Variants in AFF3 observed in about 807,000 individuals in gnomAD.
AFF3 encodes ALF transcription elongation factor 3.
In AFF3, 32 loss-of-function variants were observed where a neutral mutation model predicts 129.7. The ratio of observed to expected loss-of-function variants is 0.25; its 90% CI spans 0.19 to 0.33. The LOEUF (loss-of-function observed/expected upper bound fraction) is 0.33, where lower values mean the gene tolerates loss of function less well. Among genes scored for constraint, AFF3 ranks in the 10% least tolerant of loss-of-function variants. The pLI is 1.00. For synonymous variants in AFF3, 644 were observed against 635.4 expected, an observed-to-expected ratio of 1.01 and a Z score of -0.20; for missense variants, 1,373 against 1,592.0, an observed-to-expected ratio of 0.86 and a Z score of 2.34.
intron 4 of AFF3, among the ~76,000 whole-genome samples, chr2:100,036,009 C>T (rs566502897): frequency 1.5e-3 from 222 of 152,114 alleles, no homozygotes; most frequent in South Asian, 3.5e-3. Context: ...CAGATTTCTC[C>T]TCTGTCCCTT....
intron 11 of AFF3, among the ~76,000 whole-genome samples, chr2:99,720,535 G>A (rs994763102): frequency 3.9e-5 from 6 of 152,108 alleles, no homozygotes; most frequent in African/African-American, 7.2e-5. Flanking sequence ...CTGCAGAACC[G>A]CGAGCTAAGG....
chr2:99,661,400 A>G (rs1241162787), intron 12 of AFF3, among the ~76,000 whole-genome samples: 3 of 152,190 alleles, frequency 2.0e-5, no homozygotes, highest in Non-Finnish European at 4.4e-5. Context: ...CCTTTTATGA[A>G]TTCTTCATCA....
chr2:99,758,065 G>A (rs1190748861), intron 8 of AFF3, among the ~76,000 whole-genome samples: 1 of 152,162 alleles, frequency 6.6e-6, no homozygotes, highest in Non-Finnish European at 1.5e-5. Context: ...CTTCATTTCT[G>A]AACAAATACT....
chr2:99,689,710 A>C (rs1346198006), intron 11 of AFF3, among the ~76,000 whole-genome samples: 1 of 151,548 alleles, frequency 6.6e-6, no homozygotes, highest in Non-Finnish European at 1.5e-5. Flanking sequence ...AAAATAGGAG[A>C]CAAGACCTGC....
intron 18 of AFF3, among the ~76,000 whole-genome samples, chr2:99,570,534 T>C (rs3792121): frequency 0.35 from 52,521 of 151,954 alleles, 12,619 homozygotes; most frequent in African/African-American, 0.69. Flanking sequence ...GACGGGGTTT[T>C]GCCATGTTGC....
At chr2:99,806,414 C>A (rs1686351391) in intron 8 of AFF3, among the ~76,000 whole-genome samples, 1 of 152,292 alleles carries the variant, frequency 6.6e-6, no homozygotes, top group African/African-American at 2.4e-5. Context: ...CCTAACACTG[C>A]AAATGCTCAG....
intron 7 of AFF3, among the ~76,000 whole-genome samples, chr2:99,995,384 T>G (rs1576504241): frequency 6.6e-6 from 1 of 152,172 alleles, no homozygotes. Context: ...TATTCCTTTT[T>G]TTTTTTGAGA....
At chr2:100,126,961 G>A (rs1692218407) in intron 2 of AFF3, among the ~76,000 whole-genome samples, 1 of 152,230 alleles carries the variant, frequency 6.6e-6, no homozygotes, top group South Asian at 2.1e-4. Context: ...AAACAGTGCT[G>A]ATGCATATAC....
intron 12 of AFF3, among the ~76,000 whole-genome samples, chr2:99,671,282 T>C (rs1461114685): frequency 2.6e-5 from 4 of 152,216 alleles, no homozygotes; most frequent in African/African-American, 4.8e-5. Context: ...TCTGCTAAGA[T>C]TGCTGTGTGG....
In AFF3 at chr2:99,551,608, A is replaced by T; in HGVS notation, c.3560-13T>A. The T allele has an allele frequency of 6.2e-7, 1 of 1,613,952 alleles. No individual in the cohort carries two copies. Among genetic ancestry groups the T allele is most frequent in the Non-Finnish European group, 8.5e-7 (1 of 1,179,916 alleles). On this transcript the variant is annotated splice_polypyrimidine_tract_variant and intron_variant, in intron 24 of 24. Transcript: ENST00000672756. The stretch of plus-strand genomic sequence containing the variant: ...TCGTTGAAGAATTCTAGGGGGACAG[A>T]AAGAGTTGTTAAGAATGCCACACAT...
intron 8 of AFF3, among the ~76,000 whole-genome samples, chr2:99,833,580 G>A (rs1688658459): frequency 6.6e-6 from 1 of 152,110 alleles, no homozygotes; most frequent in South Asian, 2.1e-4. Flanking sequence ...TGTTATGAGT[G>A]TCTTCAACAA....
intron 10 of AFF3, among the ~76,000 whole-genome samples, chr2:99,731,605 C>A (rs936817352): frequency 2.0e-5 from 3 of 152,148 alleles, no homozygotes; most frequent in Non-Finnish European, 2.9e-5. Context: ...GAGTCATCCT[C>A]CTTAATACTA....
rs189212737 is a variant in AFF3 at position 99,815,663 on chromosome 2, T to A, written c.921+21814A>T. On this transcript the variant is annotated intron_variant, in intron 8 of 24. Transcript: ENST00000672756. ...TTTGAGAAAGTATTTCTCCTTAACGTCTGAAGCATATTTTTGCTGTGCATA... is the reference window on the plus strand; with the variant it reads ...TTTGAGAAAGTATTTCTCCTTAACGACTGAAGCATATTTTTGCTGTGCATA... Among the ~76,000 whole-genome samples, 91 of 152,282 alleles carry A rather than the reference T, an allele frequency of 6.0e-4. 3 individuals carry two copies. In the South Asian group the frequency reaches 0.016, roughly 26 times the overall value.
At chr2:99,728,190 G>A (rs1679515967) in intron 10 of AFF3, among the ~76,000 whole-genome samples, 1 of 152,174 alleles carries the variant, frequency 6.6e-6, no homozygotes, top group African/African-American at 2.4e-5. Context: ...TCTGTAAGGA[G>A]TTTCTTTGTA....
intron 7 of AFF3, among the ~76,000 whole-genome samples, chr2:99,979,919 A>AG (rs1679242694): frequency 6.6e-6 from 1 of 152,206 alleles, no homozygotes; most frequent in African/African-American, 2.4e-5. Flanking sequence ...CATAAAGTAC[A>AG]GGCAATGTAG....
intron 11 of AFF3, among the ~76,000 whole-genome samples, chr2:99,719,481 T>C (rs190677446): frequency 6.6e-6 from 1 of 152,328 alleles, no homozygotes; most frequent in East Asian, 1.9e-4. Context: ...TACAATAAAT[T>C]GGGTAGTTTT....
chr2:99,972,608 G>C (rs1260385868), intron 7 of AFF3, among the ~76,000 whole-genome samples: 1 of 152,188 alleles, frequency 6.6e-6, no homozygotes, highest in Non-Finnish European at 1.5e-5. Context: ...GCATTTTTAG[G>C]TGCCAAGGAT....
intron 10 of AFF3, among the ~76,000 whole-genome samples, chr2:99,741,039 C>A (rs1431958885): frequency 6.6e-6 from 1 of 152,156 alleles, no homozygotes; most frequent in Non-Finnish European, 1.5e-5. Context: ...GTTTTCCCAG[C>A]ACCATTTATT....
At chr2:99,741,378 A>C (rs887842075) in intron 10 of AFF3, among the ~76,000 whole-genome samples, 2 of 152,210 alleles carry the variant, frequency 1.3e-5, no homozygotes, top group African/African-American at 4.8e-5. Context: ...AAGTCTCAGG[A>C]TACAAAATCA....
Sources: allele counts gnomAD v4.1 joint callset (sites outside exome capture counted in the v4.1 genomes callset), GRCh38; gene constraint gnomAD v4.1.1; transcripts MANE v1.5; gene names NCBI Gene and HGNC (gene_info 2026-07-23, HGNC 2026-07-21).